SNX24: variants seen among roughly 807,000 people sequenced by gnomAD.
SNX24 encodes the protein sorting nexin-24.
SNX24 carries 22 observed loss-of-function variants against 28.7 expected under a neutral mutation model. The observed-to-expected ratio is 0.77, with a 90% CI of 0.55 to 1.10. The LOEUF is 1.10. Ranked by LOEUF, SNX24 falls within the 50% of genes least tolerant of loss-of-function variation. The pLI, the probability that SNX24 is intolerant of heterozygous loss-of-function variation, is 0.00. For missense variants in SNX24, 221 were observed against 201.1 expected, an observed-to-expected ratio of 1.10 and a Z score of -0.60; for synonymous variants, 69 against 71.5, an observed-to-expected ratio of 0.96 and a Z score of 0.18.
intron 1 of SNX24, among the ~76,000 whole-genome samples, chr5:122,864,581 C>T (rs1485498080): frequency 6.6e-6 from 1 of 152,130 alleles, no homozygotes; most frequent in African/African-American, 2.4e-5. Flanking sequence ...CGTCAGTGAG[C>T]CAGGAGTGCT....
At chr5:122,897,717 A>G (rs1000862568) in intron 1 of SNX24, among the ~76,000 whole-genome samples, 2 of 152,224 alleles carry the variant, frequency 1.3e-5, no homozygotes, top group Non-Finnish European at 2.9e-5. Flanking sequence ...TAGGTCCTCT[A>G]TACATTTATG....
Position 122,845,671 on chromosome 5 carries a change from G to A in SNX24, c.38G>A (p.Ser13Asn), listed in dbSNP as rs773758534. The change falls in exon 1 of 7, where the codon AGC becomes AAC. Residue 13 changes from serine to asparagine, a missense_variant. Ser to Asn is a conservative substitution (Grantham distance 46, BLOSUM62 1). Coordinates refer to ENST00000261369, the MANE Select transcript of SNX24 (RefSeq NM_014035.4). ...ATCCCGTCCTTTCGCTATGAAGAGA[G>A]CGACCTGGAGCGGGGATACACGGTA... ...VYIPSFRYEE[S>N]DLERGYTVFK... The A allele has an allele frequency of 7.7e-6, 11 of 1,424,692 alleles. No homozygotes were observed. Among genetic ancestry groups the A allele is most frequent in the Non-Finnish European group, 1.0e-5 (11 of 1,080,300 alleles). 88.3% of individuals were successfully genotyped at this position (1,424,692 alleles called of 1,614,324 possible).
chr5:122,989,620 T>C (rs1166605425), intron 3 of SNX24, among the ~76,000 whole-genome samples: 1 of 152,194 alleles, frequency 6.6e-6, no homozygotes, highest in African/African-American at 2.4e-5. Context: ...TTGTTATTTT[T>C]AGCTTGGCAG....
intron 6 of SNX24, among the ~76,000 whole-genome samples, chr5:123,002,670 T>C (rs919351784): frequency 6.6e-6 from 1 of 152,256 alleles, no homozygotes; most frequent in Non-Finnish European, 1.5e-5. Context: ...TGTATATACA[T>C]TGCAGCATCT....
chr5:122,870,633 C>T (rs1456519752), intron 1 of SNX24, among the ~76,000 whole-genome samples: 1 of 152,158 alleles, frequency 6.6e-6, no homozygotes, highest in Non-Finnish European at 1.5e-5. Flanking sequence ...AACGCGTGTG[C>T]ATGTGGAATG....
chr5:122,969,129 A>G (rs929463247), intron 3 of SNX24, among the ~76,000 whole-genome samples: 7 of 152,118 alleles, frequency 4.6e-5, no homozygotes, highest in Non-Finnish European at 1.0e-4. Context: ...TTATTTAAAG[A>G]TATTCTTTTT....
rs34211374 is a variant in SNX24, at chr5:122,900,190, C to CTTT, written c.61-36535_61-36533dup. Among the ~76,000 whole-genome samples the CTTT allele has an allele frequency of 2.1e-4, 31 of 148,468 alleles. 1 individual carries two copies. In the East Asian group the frequency reaches 3.2e-3, roughly 15 times the overall value. On this transcript the variant is annotated intron_variant, in intron 1 of 6. Coordinates refer to ENST00000261369, the MANE Select transcript of SNX24 (RefSeq NM_014035.4). ...GTGTGCTACCACACCCACCCAGCTA[C>CTTT]TTTTTTTTTTTGAGATGAGGTCTCA...
downstream of SNX24, among the ~76,000 whole-genome samples, chr5:123,010,694 C>T (rs950995173): frequency 3.9e-5 from 6 of 152,102 alleles, no homozygotes. Context: ...ACCGAATTCC[C>T]GTTCCACAGA....
chr5:122,884,257 T>C (rs866147895), intron 1 of SNX24, among the ~76,000 whole-genome samples: 9 of 142,756 alleles, frequency 6.3e-5, no homozygotes, highest in Non-Finnish European at 1.2e-4. Context: ...TTTTCTTTTT[T>C]TTTTTTTTTT....
chr5:122,891,877 G>GT (rs1229037533), intron 1 of SNX24, among the ~76,000 whole-genome samples: 1 of 152,226 alleles, frequency 6.6e-6, no homozygotes, highest in Admixed American at 6.5e-5. Context: ...TAAAATGTGT[G>GT]TAAGTTGGAG....
intron 3 of SNX24, among the ~76,000 whole-genome samples, chr5:122,950,309 AG>A (rs1759884258): frequency 6.6e-6 from 1 of 152,198 alleles, no homozygotes; most frequent in Non-Finnish European, 1.5e-5. Context: ...TTACCAATAA[AG>A]GTTGTATGTG....
chr5:122,897,114 T>G (rs1757237782), intron 1 of SNX24, among the ~76,000 whole-genome samples: 1 of 152,214 alleles, frequency 6.6e-6, no homozygotes, highest in Non-Finnish European at 1.5e-5. Flanking sequence ...CATATAAACG[T>G]ATCTACTTCA....
At chr5:122,947,298 G>A (rs984006637) in intron 3 of SNX24, among the ~76,000 whole-genome samples, 4 of 151,906 alleles carry the variant, frequency 2.6e-5, no homozygotes, top group African/African-American at 9.7e-5. Context: ...TCTATGAATG[G>A]CTGTCCCTGA....
chr5:123,019,855 G>C (rs1487196330), intron 5 of SNX24, among the ~76,000 whole-genome samples: 1 of 152,166 alleles, frequency 6.6e-6, no homozygotes, highest in Non-Finnish European at 1.5e-5. Context: ...TATTTTCATA[G>C]TCATCAGTTT....
rs936710505 is a variant in SNX24, at chr5:122,864,178, A to G, written c.60+18485A>G. On this transcript the variant is annotated intron_variant, in intron 1 of 6. Coordinates refer to ENST00000261369, the MANE Select transcript of SNX24 (RefSeq NM_014035.4). ...CAGTTAGGAAGCTCAGGAAGCTACT[A>G]TAGTATCCCAAGTAAAAGATGATGA... 7.2e-5 allele frequency among the ~76,000 whole-genome samples: 11 copies of G among 151,934 alleles called. No individual in the cohort carries two copies. In the East Asian group the frequency reaches 7.8e-4, roughly 11 times the overall value.
intron 5 of SNX24, 91 bp downstream of exon 5, chr5:123,001,528 A>C: frequency 1.1e-6 from 1 of 952,020 alleles, no homozygotes. Context: ...TGTTTTTCTT[A>C]AGAACCTTTG....
chr5:122,985,249 A>G (rs1197027466), intron 3 of SNX24, among the ~76,000 whole-genome samples: 1 of 149,416 alleles, frequency 6.7e-6, no homozygotes, highest in African/African-American at 2.4e-5. Context: ...CCAGAGCTTG[A>G]GAGAGGCACT....
At chr5:122,962,696 T>A (rs1760535083) in intron 3 of SNX24, among the ~76,000 whole-genome samples, 1 of 152,198 alleles carries the variant, frequency 6.6e-6, no homozygotes, top group South Asian at 2.1e-4. Flanking sequence ...AATAGGTATT[T>A]CATGGAGAGG....
rs529972841 is a variant in SNX24 at position 123,005,367 on chromosome 5, T to C, written c.443-2315T>C. ...ACACCCTCCCAGCGGGCTGCTTTGT[T>C]CCTTCCTGCAAGTCATCACCCAAAT... On this transcript the variant is annotated intron_variant, in intron 6 of 6. Transcript: ENST00000261369. Among the ~76,000 whole-genome samples the C allele has an allele frequency of 1.2e-4, 19 of 152,286 alleles. No homozygotes were observed. In the East Asian group the frequency reaches 1.7e-3, roughly 14 times the overall value.
Sources: allele counts gnomAD v4.1 joint callset (sites outside exome capture counted in the v4.1 genomes callset), GRCh38; gene constraint gnomAD v4.1.1; transcripts MANE v1.5; gene names NCBI Gene and HGNC (gene_info 2026-07-23, HGNC 2026-07-21).